The following MIGA1 variants were observed in gnomAD, a reference collection of about 807,000 sequenced individuals.
MIGA1 encodes the protein mitoguardin 1, also known as family with sequence similarity 73, member A.
In MIGA1, 58 loss-of-function variants were observed where a neutral mutation model predicts 82.0. The ratio of observed to expected loss-of-function variants is 0.71; its 90% CI spans 0.57 to 0.88. MIGA1 has a LOEUF of 0.88. Ranked by LOEUF, MIGA1 falls within the 40% of genes least tolerant of loss-of-function variation. MIGA1 has a pLI of 0.00. For missense variants in MIGA1, 751 were observed against 749.1 expected (o/e 1.00, Z -0.03); for synonymous variants, 249 against 253.6 (o/e 0.98, Z 0.17).
At position 77,779,805 on chromosome 1, in the gene MIGA1, AG is replaced by A. The variant is rs1681816561; in HGVS notation, c.81+70del. ...GAAGCGGAGAGTTGAGCGGCCACGC[AG>A]TTGGGGCAGAGGCCTCGGGGCAGGG... On this transcript the variant is annotated intron_variant, in intron 1 of 15. Transcript: ENST00000370791. 6.7e-6 allele frequency: 10 copies of A among 1,491,576 alleles called. No homozygotes were observed. In the South Asian group the frequency reaches 1.3e-4, roughly 19 times the overall value. The allele number at this position is 1,491,576 out of a possible 1,614,324, so 92.4% of individuals were successfully genotyped here. A position where few individuals can be genotyped will look rare whatever the true frequency, so the allele number is the denominator to read the frequency against.
Position 77,859,035 on chromosome 1 carries a change from A to G in MIGA1, c.1094A>G (p.Lys365Arg), listed in dbSNP as rs1212296113. Residue 365 changes from lysine (K) to arginine (R), a missense_variant, in exon 9 of 16, where the codon AAA becomes AGA. Physicochemically the swap from Lys to Arg is conservative, Grantham distance 26 (BLOSUM62 2). Coordinates refer to ENST00000370791, the MANE Select transcript of MIGA1 (RefSeq NM_198549.4). ...GCCATGCATTTAGTTGAAGAAGGAA[A>G]AATTTACTCCAGAGTACTGAGGTAC... 6.2e-6 allele frequency: 10 copies of G among 1,609,136 alleles called. No individual in the cohort carries two copies. Among genetic ancestry groups the G allele is most frequent in the Non-Finnish European group, 8.5e-6 (10 of 1,175,550 alleles).
At chr1:77,814,560 C>A (rs1289693565) in intron 6 of MIGA1, among the ~76,000 whole-genome samples, 1 of 152,142 alleles carries the variant, frequency 6.6e-6, no homozygotes, top group Non-Finnish European at 1.5e-5. Flanking sequence ...CCTTGTCTGG[C>A]TTGGAATTTT....
intron 12 of MIGA1, among the ~76,000 whole-genome samples, chr1:77,863,228 C>A (rs1685537063): frequency 6.6e-6 from 1 of 152,096 alleles, no homozygotes; most frequent in Non-Finnish European, 1.5e-5. Context: ...CTTTCTGTCA[C>A]CCCTCTTGGC....
At chr1:77,823,855 G>C (rs372995280) in intron 7 of MIGA1, among the ~76,000 whole-genome samples, 4 of 152,184 alleles carry the variant, frequency 2.6e-5, no homozygotes, top group African/African-American at 9.7e-5. Context: ...TCTAAACTCT[G>C]TTTCTCTGTT....
At chr1:77,802,430 A>G (rs1485590217) in intron 3 of MIGA1, among the ~76,000 whole-genome samples, 4 of 152,202 alleles carry the variant, frequency 2.6e-5, no homozygotes, top group Non-Finnish European at 5.9e-5. Flanking sequence ...CCAAGGTCAT[A>G]TAATTTATAA....
At chr1:77,782,772 C>A in intron 1 of MIGA1, 1 of 549,180 alleles carries the variant, frequency 1.8e-6, no homozygotes, top group Non-Finnish European at 2.3e-6. Context: ...GGAGTTCAGT[C>A]AGTGAACTCT....
chr1:77,797,372 C>A (rs954059758), intron 2 of MIGA1, among the ~76,000 whole-genome samples: 1 of 152,158 alleles, frequency 6.6e-6, no homozygotes, highest in Non-Finnish European at 1.5e-5. Context: ...TTGATCTATA[C>A]GTCCACACTG....
intron 5 of MIGA1, chr1:77,811,473 T>G: frequency 6.5e-7 from 1 of 1,533,924 alleles, no homozygotes; most frequent in Non-Finnish European, 9.0e-7. Flanking sequence ...CTTTATTATA[T>G]GTAAGAATAT....
intron 1 of MIGA1, 109 bp downstream of exon 1, chr1:77,779,845 C>A: frequency 7.0e-7 from 1 of 1,434,754 alleles, no homozygotes; most frequent in Non-Finnish European, 9.1e-7. Context: ...GCGCGGACTC[C>A]ATCGCTGGCG....
At chr1:77,821,518 C>T (rs891092939) in intron 7 of MIGA1, among the ~76,000 whole-genome samples, 2 of 151,812 alleles carry the variant, frequency 1.3e-5, no homozygotes, top group Admixed American at 6.6e-5. Context: ...GCCTCAGCCT[C>T]CTGAGTAGTT....
intron 2 of MIGA1, among the ~76,000 whole-genome samples, chr1:77,783,775 AT>A (rs1216776062): frequency 1.3e-5 from 2 of 152,092 alleles, no homozygotes; most frequent in African/African-American, 2.4e-5. Context: ...AATATCCAGA[AT>A]TTTTTTCATC....
intron 8 of MIGA1, among the ~76,000 whole-genome samples, chr1:77,856,579 C>G (rs1438343640): frequency 2.6e-5 from 4 of 152,032 alleles, no homozygotes; most frequent in Non-Finnish European, 4.4e-5. Flanking sequence ...ATCAAGGTAT[C>G]TAATTCTTCC....
chr1:77,875,427 T>G lies in MIGA1; in HGVS notation c.*363T>G, dbSNP rs1464922287. 5.5e-6 allele frequency: 1 copy of G among 180,248 alleles called. No individual in the cohort carries two copies. Among genetic ancestry groups the G allele is most frequent in the Non-Finnish European group, 1.2e-5 (1 of 85,544 alleles). The allele number at this position is 180,248 out of a possible 1,614,324, so 11.2% of individuals were successfully genotyped here. A position where few individuals can be genotyped will look rare whatever the true frequency, so the allele number is the denominator to read the frequency against. ...TGCTTTGCACCTTTAAAATGTACAC[T>G]TTAGCCAAGGTCTTTGTGGCCCACA... On this transcript the variant is annotated 3_prime_UTR_variant, in exon 16 of 16. Transcript: ENST00000370791.
At chr1:77,871,935 A>G (rs1204074894) in intron 14 of MIGA1, among the ~76,000 whole-genome samples, 1 of 152,084 alleles carries the variant, frequency 6.6e-6, no homozygotes, top group Admixed American at 6.6e-5. Flanking sequence ...ACACTGTAGC[A>G]TTCTTGTTGT....
At chr1:77,843,838 A>G (rs939082099) in intron 8 of MIGA1, among the ~76,000 whole-genome samples, 3 of 151,874 alleles carry the variant, frequency 2.0e-5, no homozygotes, top group African/African-American at 7.3e-5. Context: ...GTGGCTTACA[A>G]CTGTATTCCC....
At chr1:77,860,258 T>C in intron 11 of MIGA1, 132 bp downstream of exon 11, 1 of 610,574 alleles carries the variant, frequency 1.6e-6, no homozygotes, top group South Asian at 2.1e-5. Flanking sequence ...CATTAAGTTA[T>C]GCTCGGGTTG....
chr1:77,870,780 C>T (rs1387808629), intron 14 of MIGA1, among the ~76,000 whole-genome samples: 4 of 150,734 alleles, frequency 2.7e-5, no homozygotes, highest in African/African-American at 9.7e-5. Flanking sequence ...CCACTGCACT[C>T]CAGCCTGGGC....
In MIGA1 at chr1:77,803,555, C is replaced by T. The variant is rs940214337; in HGVS notation, c.510+149C>T. ...GTGCTTTCTTTAGGCAAGTAAAATA[C>T]CTTTTTGCTGACTATTAGTCAATTT... is the stretch of plus-strand genomic sequence containing the variant. On this transcript the variant is annotated intron_variant, in intron 4 of 15. Coordinates refer to ENST00000370791, the MANE Select transcript of MIGA1 (RefSeq NM_198549.4). The T allele has an allele frequency of 7.5e-6, 3 of 397,908 alleles. No homozygotes were observed. The Admixed American group carries it at 1.3e-4, about 18-fold the overall frequency. The allele number at this position is 397,908 out of a possible 1,614,324, so 24.6% of individuals were successfully genotyped here.
chr1:77,801,605 ATATAT>A, intron 3 of MIGA1, 97 bp downstream of exon 3: 1 of 1,025,710 alleles, frequency 9.7e-7, no homozygotes, highest in South Asian at 1.9e-5. Context: ...TTTCTTCCTA[ATATAT>A]TATTTAACTC....
Sources: gnomAD v4.1 joint callset for allele counts (sites outside exome capture counted in the v4.1 genomes callset) on GRCh38, gnomAD v4.1.1 for gene constraint, MANE v1.5 for transcripts, NCBI Gene and HGNC (gene_info 2026-07-23, HGNC 2026-07-21) for gene names.